Variants in FAM193A observed in about 807,000 individuals in gnomAD.
The protein encoded by FAM193A is protein FAM193A.
FAM193A carries 22 observed loss-of-function variants against 126.5 expected under a neutral mutation model. That is an observed-to-expected ratio of 0.17 (90% CI 0.12 to 0.25). The LOEUF (loss-of-function observed/expected upper bound fraction) is 0.25. Ranked by LOEUF, FAM193A falls within the 10% of genes least tolerant of loss-of-function variation. The pLI is 1.00. For synonymous variants in FAM193A, 761 were observed against 646.8 expected (o/e 1.18, Z -2.68); for missense variants, 1,675 against 1,672.8 (o/e 1.00, Z -0.02).
chr4:2,712,133 C>G (rs528923205), intron 19 of FAM193A, among the ~76,000 whole-genome samples: 16 of 152,072 alleles, frequency 1.1e-4, no homozygotes, highest in Non-Finnish European at 1.6e-4. Flanking sequence ...TTTGTAACTC[C>G]TCCATGTGTA....
chr4:2,731,725 T>C, intron 20 of FAM193A, 50 bp from the exon 21 acceptor site: 1 of 1,411,436 alleles, frequency 7.1e-7, no homozygotes, highest in Non-Finnish European at 1.0e-6. Flanking sequence ...AGCACCAGCT[T>C]GGTTGTGGGC....
chr4:2,703,650 A>T (rs1433445786), intron 19 of FAM193A, among the ~76,000 whole-genome samples: 1 of 151,394 alleles, frequency 6.6e-6, no homozygotes, highest in African/African-American at 2.4e-5. Flanking sequence ...ACTTTCCCAG[A>T]AGGGAGAGGG....
intron 2 of FAM193A, among the ~76,000 whole-genome samples, chr4:2,615,873 C>A (rs530143041): frequency 1.8e-4 from 28 of 151,886 alleles, no homozygotes; most frequent in African/African-American, 6.5e-4. Context: ...TGTAGTGGCG[C>A]GATCTCAGCT....
intron 1 of FAM193A, among the ~76,000 whole-genome samples, chr4:2,588,245 A>G (rs1409082866): frequency 1.3e-5 from 2 of 152,330 alleles, no homozygotes; most frequent in Middle Eastern, 3.4e-3. Flanking sequence ...CATTAGGCTC[A>G]GGGACCTTGG....
At chr4:2,628,755 T>C (rs983680280) in intron 4 of FAM193A, among the ~76,000 whole-genome samples, 3 of 152,124 alleles carry the variant, frequency 2.0e-5, no homozygotes, top group African/African-American at 4.8e-5. Context: ...TACTTTAGAG[T>C]AGCAGCCAGT....
chr4:2,729,440 G>A (rs573361803), intron 20 of FAM193A, among the ~76,000 whole-genome samples: 14 of 152,272 alleles, frequency 9.2e-5, no homozygotes, highest in South Asian at 2.1e-4. Flanking sequence ...ATCAGAGGCC[G>A]GATGGGGCAC....
chr4:2,689,447 C>T lies in FAM193A; in HGVS notation c.2332-59C>T. 5 of 1,278,316 alleles carry T rather than the reference C, an allele frequency of 3.9e-6. No homozygotes were observed. In the South Asian group the frequency reaches 4.2e-5, roughly 11 times the overall value. 79.2% of individuals were successfully genotyped at this position (1,278,316 alleles called of 1,614,324 possible). A position where few individuals can be genotyped will look rare whatever the true frequency, so the allele number is the denominator to read the frequency against. ...GAATTGTCTGTCTGTAGTTTAACTACTTACCTAGGTAAACAGAATATTAAT... is the reference window on the plus strand; with the variant it reads ...GAATTGTCTGTCTGTAGTTTAACTATTTACCTAGGTAAACAGAATATTAAT... On this transcript the variant is annotated intron_variant, in intron 13 of 20. Transcript: ENST00000637812.
chr4:2,542,017 A>AT (rs1258017085), intron 1 of FAM193A, among the ~76,000 whole-genome samples: 328 of 139,044 alleles, frequency 2.4e-3, no homozygotes, highest in Middle Eastern at 3.8e-3. Context: ...CACCTGGCAA[A>AT]TTTTTTTTTT....
intron 2 of FAM193A, chr4:2,615,261 G>C (rs1742110095): frequency 6.6e-6 from 1 of 152,198 alleles, no homozygotes; most frequent in South Asian, 2.1e-4. Context: ...GTACCAGCTT[G>C]TTTTGGTTTC....
chr4:2,657,869 A>G lies in FAM193A; in HGVS notation c.1378A>G (p.Ile460Val). The change falls in exon 8 of 21, where the codon ATT becomes GTT. Residue 460 changes from isoleucine to valine, a missense_variant. Ile to Val is a conservative substitution (Grantham distance 29, BLOSUM62 3). Around this residue, in one of 4 missense-constraint regions of FAM193A, gnomAD observed 1,186 missense variants for 1,109.2 expected, o/e 1.07. Coordinates refer to ENST00000637812, the MANE Select transcript of FAM193A (RefSeq NM_001366318.2). ...DWELFKQRRF[I>V]EEQLTNKKAV... Reference sequence around the variant, plus strand: ...GGAGCTTTTTAAACAAAGAAGATTCATTGAAGAACAGGTAAGCTTGTCAAT... The same window carrying G: ...GGAGCTTTTTAAACAAAGAAGATTCGTTGAAGAACAGGTAAGCTTGTCAAT... 4 of 1,609,628 alleles carry G rather than the reference A, an allele frequency of 2.5e-6. No individual in the cohort carries two copies. The highest frequency in any genetic ancestry group is 3.4e-6 in the Non-Finnish European group (4 of 1,176,922).
At chr4:2,637,473 A>G (rs1055991009) in intron 5 of FAM193A, among the ~76,000 whole-genome samples, 1 of 151,740 alleles carries the variant, frequency 6.6e-6, no homozygotes, top group South Asian at 2.1e-4. Context: ...ATCGACAAAG[A>G]CAGAAAGATC....
intron 3 of FAM193A, among the ~76,000 whole-genome samples, chr4:2,625,878 C>G (rs901064982): frequency 1.3e-5 from 2 of 152,056 alleles, no homozygotes; most frequent in Admixed American, 1.3e-4. Context: ...CGCGCACCAC[C>G]ATGTCGGGCT....
At chr4:2,612,479 A>G (rs144047347) in intron 2 of FAM193A, among the ~76,000 whole-genome samples, 8 of 152,246 alleles carry the variant, frequency 5.3e-5, no homozygotes, top group African/African-American at 1.7e-4. Flanking sequence ...AGCCTGGGTG[A>G]CAGAGTGAGA....
At chr4:2,585,611 T>G (rs1284503625) in intron 1 of FAM193A, among the ~76,000 whole-genome samples, 1 of 152,238 alleles carries the variant, frequency 6.6e-6, no homozygotes, top group Non-Finnish European at 1.5e-5. Context: ...TTTCATTTTC[T>G]TAATGTTTAT....
chr4:2,683,329 C>T (rs1234918417), intron 13 of FAM193A, among the ~76,000 whole-genome samples: 7 of 150,384 alleles, frequency 4.7e-5, no homozygotes, highest in African/African-American at 1.7e-4. Context: ...GAGTCTTGCT[C>T]AGCCGCCCAG....
intron 5 of FAM193A, among the ~76,000 whole-genome samples, chr4:2,634,465 C>T (rs1743901917): frequency 6.6e-6 from 1 of 152,004 alleles, no homozygotes; most frequent in African/African-American, 2.4e-5. Context: ...AGTTAAAAGC[C>T]AGCAGAAGCA....
At chr4:2,688,975 C>T (rs921965051) in intron 13 of FAM193A, among the ~76,000 whole-genome samples, 2 of 152,256 alleles carry the variant, frequency 1.3e-5, no homozygotes, top group African/African-American at 2.4e-5. Context: ...GGGCCCAGGG[C>T]GGGGCTTGCC....
At chr4:2,619,057 A>G (rs1376935995) in intron 2 of FAM193A, among the ~76,000 whole-genome samples, 2 of 152,150 alleles carry the variant, frequency 1.3e-5, no homozygotes, top group Non-Finnish European at 1.5e-5. Flanking sequence ...GCCTGTGTTC[A>G]GGTTTATTGG....
intron 5 of FAM193A, among the ~76,000 whole-genome samples, chr4:2,632,135 C>T (rs1303605984): frequency 6.6e-6 from 1 of 152,046 alleles, no homozygotes; most frequent in Non-Finnish European, 1.5e-5. Flanking sequence ...AAAGGTGGTA[C>T]AGGGCATCAC....
Sources: allele counts gnomAD v4.1 joint callset (sites outside exome capture counted in the v4.1 genomes callset), GRCh38; gene constraint gnomAD v4.1.1; regional missense constraint gnomAD v4.1.1; transcripts MANE v1.5; gene names NCBI Gene and HGNC (gene_info 2026-07-23, HGNC 2026-07-21).